The following GGNBP2 variants were observed in gnomAD, a reference collection of about 807,000 sequenced individuals.
GGNBP2 encodes the protein gametogenetin-binding protein 2.
GGNBP2 carries 10 observed loss-of-function variants against 85.9 expected under a neutral mutation model. That is an observed-to-expected ratio of 0.12 (90% CI 0.07 to 0.20). GGNBP2 has a LOEUF of 0.20. Among genes scored for constraint, GGNBP2 ranks in the 10% least tolerant of loss-of-function variants. GGNBP2 has a pLI of 1.00. For missense variants in GGNBP2, 595 were observed against 857.8 expected (o/e 0.69, Z 3.83); for synonymous variants, 287 against 285.7 (o/e 1.00, Z -0.05).
In GGNBP2 at chr17:36,567,109, A is replaced by C. The variant is rs145297849; in HGVS notation, c.528-554A>C. ...AGATTGGTCTGTGTTTAAAAGGGAA[A>C]ATACTTGATAATTTTTTCGGTCATT... On this transcript the variant is annotated intron_variant, in intron 5 of 13. Coordinates refer to ENST00000613102, the MANE Select transcript of GGNBP2 (RefSeq NM_024835.5). 1.7e-3 allele frequency among the ~76,000 whole-genome samples: 256 copies of C among 152,242 alleles called. 1 individual carries two copies. Among genetic ancestry groups the C allele is most frequent in the African/African-American group, 5.9e-3 (246 of 41,548 alleles).
intron 1 of GGNBP2, 29 bp from the exon 2 acceptor site, chr17:36,545,590 C>T (rs1322414058): frequency 3.0e-6 from 2 of 662,934 alleles, no homozygotes; most frequent in Admixed American, 2.7e-5. Flanking sequence ...GCGGCGGGTG[C>T]TTACGCTCGC....
At chr17:36,560,360 T>C (rs1041161005) in intron 4 of GGNBP2, among the ~76,000 whole-genome samples, 2 of 152,180 alleles carry the variant, frequency 1.3e-5, no homozygotes, top group Non-Finnish European at 2.9e-5. Context: ...TGCATAAAAG[T>C]TCTGTTGATG....
At chr17:36,561,924 A>G (rs1239212651) in intron 5 of GGNBP2, among the ~76,000 whole-genome samples, 1 of 151,542 alleles carries the variant, frequency 6.6e-6, no homozygotes, top group Non-Finnish European at 1.5e-5. Flanking sequence ...CGCCCGGCCT[A>G]TTTTATTTTT....
chr17:36,545,721 G>A lies in GGNBP2; in HGVS notation c.-4G>A, dbSNP rs1242909596. 1.3e-6 allele frequency: 2 copies of A among 1,566,316 alleles called. No homozygotes were observed. Among genetic ancestry groups the A allele is most frequent in the East Asian group, 4.8e-5 (2 of 41,612 alleles). On this transcript the variant is annotated 5_prime_UTR_variant, in exon 2 of 14. Coordinates refer to ENST00000613102, the MANE Select transcript of GGNBP2 (RefSeq NM_024835.5). The stretch of plus-strand genomic sequence containing the variant: ...TGACGGTGGCAACGGCAGCGTCGGG[G>A]ACGATGGCGCGACTCGTGGCAGTGT...
At chr17:36,563,287 T>C (rs931158666) in intron 5 of GGNBP2, among the ~76,000 whole-genome samples, 3 of 151,850 alleles carry the variant, frequency 2.0e-5, no homozygotes, top group African/African-American at 7.3e-5. Flanking sequence ...AATAAATAAA[T>C]AAAATAAATT....
At chr17:36,584,879 A>G (rs1331862922) in intron 9 of GGNBP2, among the ~76,000 whole-genome samples, 1 of 151,774 alleles carries the variant, frequency 6.6e-6, no homozygotes, top group Non-Finnish European at 1.5e-5. Context: ...GCTTGAGCCC[A>G]GGAGTTTGAG....
intron 6 of GGNBP2, chr17:36,574,872 G>A: frequency 1.4e-6 from 1 of 723,690 alleles, no homozygotes; most frequent in Middle Eastern, 3.4e-4. Flanking sequence ...AGCTTGGCCA[G>A]GATGATGGCC....
chr17:36,586,317 T>C (rs2074701141), intron 12 of GGNBP2, 119 bp downstream of exon 12: 1 of 1,282,568 alleles, frequency 7.8e-7, no homozygotes, highest in African/African-American at 1.5e-5. Flanking sequence ...GAATGAGTTC[T>C]TTATGCAGTT....
chr17:36,572,344 T>G (rs2074534035), intron 6 of GGNBP2, among the ~76,000 whole-genome samples: 1 of 152,212 alleles, frequency 6.6e-6, no homozygotes, highest in Admixed American at 6.5e-5. Context: ...GTGTCCGTTT[T>G]TTCTCTCCTA....
At position 36,545,696 on chromosome 17, in the gene GGNBP2, T is replaced by A; in HGVS notation, c.-29T>A. 6.6e-7 allele frequency: 1 copy of A among 1,526,000 alleles called. No homozygotes were observed. 94.5% of individuals were successfully genotyped at this position (1,526,000 alleles called of 1,614,324 possible). A position where few individuals can be genotyped will look rare whatever the true frequency, so the allele number is the denominator to read the frequency against. On this transcript the variant is annotated 5_prime_UTR_variant, in exon 2 of 14. Coordinates refer to ENST00000613102, the MANE Select transcript of GGNBP2 (RefSeq NM_024835.5). ...GGCGGCGGCAGCTGGGAGGAGGTGG[T>A]GACGGTGGCAACGGCAGCGTCGGGG... is the stretch of plus-strand genomic sequence containing the variant.
At chr17:36,586,377 G>A (rs2074702162) in intron 12 of GGNBP2, 179 bp downstream of exon 12, 1 of 641,226 alleles carries the variant, frequency 1.6e-6, no homozygotes, top group African/African-American at 1.8e-5. Flanking sequence ...AGAGAGAGAT[G>A]TGATCATTTG....
intron 6 of GGNBP2, among the ~76,000 whole-genome samples, chr17:36,569,393 A>C (rs2074500796): frequency 6.6e-6 from 1 of 152,050 alleles, no homozygotes; most frequent in Non-Finnish European, 1.5e-5. Context: ...ACGGAGCAAG[A>C]CTCCGTCTCA....
intron 6 of GGNBP2, among the ~76,000 whole-genome samples, chr17:36,572,909 T>TAG (rs1040200330): frequency 4.6e-5 from 7 of 152,284 alleles, no homozygotes; most frequent in African/African-American, 1.7e-4. Flanking sequence ...AGATAGCTCA[T>TAG]ATAAATGGGA....
chr17:36,578,370 C>T, intron 7 of GGNBP2, 184 bp downstream of exon 7: 1 of 543,808 alleles, frequency 1.8e-6, no homozygotes. Context: ...TAGGGAAAAA[C>T]TGTTCTCTGG....
chr17:36,580,281 C>A (rs547893944), intron 8 of GGNBP2, among the ~76,000 whole-genome samples: 1 of 150,204 alleles, frequency 6.7e-6, no homozygotes, highest in South Asian at 2.1e-4. Context: ...GATCTCGGCT[C>A]ACTGCAAGCT....
At chr17:36,552,888 G>A (rs1197654498) in intron 2 of GGNBP2, among the ~76,000 whole-genome samples, 1 of 152,090 alleles carries the variant, frequency 6.6e-6, no homozygotes, top group African/African-American at 2.4e-5. Context: ...CATGTTTGGT[G>A]GCAGGTGCCT....
chr17:36,585,663 T>A (rs1002460230), intron 10 of GGNBP2, 177 bp from the exon 11 acceptor site: 1 of 631,680 alleles, frequency 1.6e-6, no homozygotes, highest in Non-Finnish European at 2.6e-6. Context: ...AAATTCCTAA[T>A]CATATTTTCA....
At chr17:36,565,227 C>T (rs914265963) in intron 5 of GGNBP2, among the ~76,000 whole-genome samples, 2 of 152,060 alleles carry the variant, frequency 1.3e-5, no homozygotes, top group African/African-American at 2.4e-5. Context: ...AAGAGCTGAG[C>T]TAGTGATTGA....
chr17:36,546,211 G>A, intron 2 of GGNBP2: 1 of 375,648 alleles, frequency 2.7e-6, no homozygotes, highest in Non-Finnish European at 4.7e-6. Flanking sequence ...TGTCGCAGCT[G>A]CACTGCTACC....
Sources: allele counts gnomAD v4.1 joint callset (sites outside exome capture counted in the v4.1 genomes callset), GRCh38; gene constraint gnomAD v4.1.1; transcripts MANE v1.5; gene names NCBI Gene and HGNC (gene_info 2026-07-23, HGNC 2026-07-21).